Variants in TRPM3 observed in about 807,000 individuals in gnomAD.
The protein encoded by TRPM3 is transient receptor potential cation channel subfamily M member 3.
In TRPM3, 77 loss-of-function variants were observed where a neutral mutation model predicts 181.2. The ratio of observed to expected loss-of-function variants is 0.42; its 90% CI spans 0.35 to 0.51. TRPM3 has a LOEUF of 0.51. Ranked by LOEUF, TRPM3 falls within the 20% of genes least tolerant of loss-of-function variation. The probability of loss-of-function intolerance (pLI) is 0.01; values close to 1 mark genes in which losing one functional copy is unlikely to be tolerated. For missense variants in TRPM3, 1,759 were observed against 2,196.7 expected (o/e 0.80, Z 3.98); for synonymous variants, 745 against 796.4 (o/e 0.94, Z 1.09).
At chr9:71,116,749 A>G (rs1040827186) in intron 1 of TRPM3, among the ~76,000 whole-genome samples, 2 of 152,108 alleles carry the variant, frequency 1.3e-5, no homozygotes, top group Non-Finnish European at 2.9e-5. Flanking sequence ...CCAAAAAAAA[A>G]ATTAAAAAGG....
At chr9:70,549,477 A>G in intron 25 of TRPM3, 65 bp downstream of exon 25, 1 of 1,538,154 alleles carries the variant, frequency 6.5e-7, no homozygotes, top group Non-Finnish European at 8.7e-7. Flanking sequence ...GTGTGAATAA[A>G]TTCGATGGAT....
chr9:71,232,560 G>T (rs1435909735), intron 1 of TRPM3, among the ~76,000 whole-genome samples: 1 of 143,132 alleles, frequency 7.0e-6, no homozygotes, highest in Non-Finnish European at 1.5e-5. Context: ...GAGTGCGGTG[G>T]CACGATCTCC....
intron 1 of TRPM3, among the ~76,000 whole-genome samples, chr9:70,969,779 T>TATATATATATATATAC (rs900528837): frequency 2.9e-5 from 4 of 139,842 alleles, no homozygotes; most frequent in African/African-American, 1.0e-4. Context: ...TATATATATA[T>TATATATATATATATAC]ACACACACAC....
chr9:70,763,284 T>A (rs952033543), intron 7 of TRPM3, among the ~76,000 whole-genome samples: 14 of 152,094 alleles, frequency 9.2e-5, no homozygotes, highest in African/African-American at 3.4e-4. Context: ...CTGAGGCAGG[T>A]GGATCACCTG....
intron 1 of TRPM3, among the ~76,000 whole-genome samples, chr9:70,970,855 T>C (rs950454051): frequency 2.6e-5 from 4 of 152,174 alleles, no homozygotes; most frequent in African/African-American, 7.2e-5. Flanking sequence ...GTTTGAAGAA[T>C]GGCTTATCAC....
intron 6 of TRPM3, among the ~76,000 whole-genome samples, chr9:70,797,030 T>C (rs1487612877): frequency 6.6e-6 from 1 of 152,060 alleles, no homozygotes; most frequent in Non-Finnish European, 1.5e-5. Flanking sequence ...CTTTGGAGGC[T>C]GAGGTGGGAG....
chr9:71,376,784 G>T (rs970656118), intron 1 of TRPM3, among the ~76,000 whole-genome samples: 1 of 151,902 alleles, frequency 6.6e-6, no homozygotes, highest in East Asian at 1.9e-4. Flanking sequence ...TGAAAATTTG[G>T]AAATTTCTGT....
At chr9:71,284,564 G>T (rs1302604001) in intron 1 of TRPM3, among the ~76,000 whole-genome samples, 1 of 152,162 alleles carries the variant, frequency 6.6e-6, no homozygotes, top group Non-Finnish European at 1.5e-5. Flanking sequence ...ATTCTTTTAA[G>T]TGGTGAGGTC....
intron 9 of TRPM3, among the ~76,000 whole-genome samples, chr9:70,679,000 A>G (rs1253118741): frequency 6.6e-6 from 1 of 152,194 alleles, no homozygotes; most frequent in South Asian, 2.1e-4. Context: ...ATTAGCATCA[A>G]CTGCTGCATA....
intron 1 of TRPM3, among the ~76,000 whole-genome samples, chr9:71,073,424 CCTT>C (rs2063036556): frequency 6.6e-6 from 1 of 152,160 alleles, no homozygotes; most frequent in Non-Finnish European, 1.5e-5. Flanking sequence ...CATATTGTAT[CCTT>C]CTTAGCCCTT....
intron 1 of TRPM3, among the ~76,000 whole-genome samples, chr9:71,408,940 G>A (rs1162929623): frequency 6.6e-6 from 1 of 152,112 alleles, no homozygotes; most frequent in Non-Finnish European, 1.5e-5. Context: ...AAAGAGTGGG[G>A]GCCAATATTC....
At chr9:71,226,766 T>A (rs910792869) in intron 1 of TRPM3, among the ~76,000 whole-genome samples, 1 of 152,074 alleles carries the variant, frequency 6.6e-6, no homozygotes, top group Non-Finnish European at 1.5e-5. Context: ...GATAGAGAGA[T>A]AGACTCCAAT....
At chr9:71,211,986 A>G (rs571606040) in intron 1 of TRPM3, among the ~76,000 whole-genome samples, 2 of 152,330 alleles carry the variant, frequency 1.3e-5, no homozygotes, top group African/African-American at 4.8e-5. Flanking sequence ...TTCAACTGTA[A>G]TGGATTCCAC....
chr9:70,540,859 A>C (rs2043144426), intron 25 of TRPM3, among the ~76,000 whole-genome samples: 2 of 152,150 alleles, frequency 1.3e-5, no homozygotes. Flanking sequence ...AGTAGCTGGA[A>C]CCACAGGCAT....
At position 71,421,455 on chromosome 9, in the gene TRPM3, C is replaced by T. The variant is rs547612079; in HGVS notation, c.183+25198G>A. On this transcript the variant is annotated intron_variant, in intron 1 of 24. Transcript: ENST00000357533. ...TAAATTTACAAAGGTGTCCCTCCTC[C>T]TTTCTCTACCAGGAAAGAAAATGTT... Among the ~76,000 whole-genome samples the T allele has an allele frequency of 3.7e-4, 57 of 152,042 alleles. No individual in the cohort carries two copies. In the South Asian group the frequency reaches 0.012, roughly 32 times the overall value.
At chr9:71,205,513 T>A (rs2079071669) in intron 1 of TRPM3, among the ~76,000 whole-genome samples, 1 of 152,106 alleles carries the variant, frequency 6.6e-6, no homozygotes, top group Non-Finnish European at 1.5e-5. Flanking sequence ...TGAAATGGCA[T>A]CCATGGCAAG....
chr9:70,642,950 C>T (rs1013642960), intron 9 of TRPM3, among the ~76,000 whole-genome samples: 7 of 152,084 alleles, frequency 4.6e-5, no homozygotes, highest in Non-Finnish European at 8.8e-5. Flanking sequence ...GTAACAAGGC[C>T]CTCAAGAGCT....
intron 1 of TRPM3, among the ~76,000 whole-genome samples, chr9:71,251,974 G>A (rs1247723613): frequency 6.6e-6 from 1 of 151,892 alleles, no homozygotes; most frequent in Non-Finnish European, 1.5e-5. Context: ...TCTGTACCTG[G>A]CTTATTTCAC....
At chr9:71,255,345 G>C (rs1376638880) in intron 1 of TRPM3, among the ~76,000 whole-genome samples, 1 of 152,124 alleles carries the variant, frequency 6.6e-6, no homozygotes, top group Non-Finnish European at 1.5e-5. Flanking sequence ...AATTTTAAAA[G>C]AATGCTTTAA....
Sources: gnomAD v4.1 joint callset for allele counts (sites outside exome capture counted in the v4.1 genomes callset) on GRCh38, gnomAD v4.1.1 for gene constraint, MANE v1.5 for transcripts, NCBI Gene and HGNC (gene_info 2026-07-23, HGNC 2026-07-21) for gene names.